Variants in CKB observed in about 807,000 individuals in gnomAD.
The protein encoded by CKB is creatine kinase B, also known as creatine kinase B-type.
CKB carries 15 observed loss-of-function variants against 36.9 expected under a neutral mutation model. The observed-to-expected ratio is 0.41, with a 90% CI of 0.27 to 0.63. The LOEUF is 0.63. Ranked by LOEUF, CKB falls within the 20% of genes least tolerant of loss-of-function variation. The pLI is 0.34. For missense variants in CKB, 413 were observed against 534.9 expected, an observed-to-expected ratio of 0.77 and a Z score of 2.25; for synonymous variants, 250 against 228.2, an observed-to-expected ratio of 1.10 and a Z score of -0.86.
rs372783149 is a variant in CKB at position 103,519,934 on chromosome 14, A to T, written c.1076T>A (p.Leu359Gln). Residue 359 changes from leucine (L) to glutamine (Q), a missense_variant, in exon 8 of 8, where the codon CTG (leucine) becomes CAG (glutamine). Around this residue, in one of 3 missense-constraint regions of CKB, gnomAD observed 314 missense variants for 409.4 expected, o/e 0.77. Transcript: ENST00000348956. The part of the protein sequence containing the change: ...LVQMVVDGVK[L>Q]LIEMEQRLEQ... Reference sequence around the variant, plus strand: ...CAGCCGCTGCTCCATCTCGATGAGCAGCTTCACTCCGTCCACCACCATCTG... The same window carrying T: ...CAGCCGCTGCTCCATCTCGATGAGCTGCTTCACTCCGTCCACCACCATCTG... 1 of 1,610,088 alleles carries T rather than the reference A, an allele frequency of 6.2e-7. No individual in the cohort carries two copies. Among genetic ancestry groups the T allele is most frequent in the South Asian group, 1.1e-5 (1 of 91,080 alleles).
chr14:103,521,671 G>C lies in CKB; in HGVS notation c.481+147C>G, dbSNP rs893568200. 1.5e-5 allele frequency: 16 copies of C among 1,060,112 alleles called. No individual in the cohort carries two copies. The East Asian group carries it at 5.0e-4, about 33-fold the overall frequency. 65.7% of individuals were successfully genotyped at this position (1,060,112 alleles called of 1,614,324 possible). On this transcript the variant is annotated intron_variant, in intron 4 of 7. Coordinates refer to ENST00000348956, the MANE Select transcript of CKB (RefSeq NM_001823.5). ...GCGCGGGGCTGGGCCTCCGTCCCTC[G>C]GTCCCTCCGGGAAACTGAACCCGGG...
Position 103,521,078 on chromosome 14 carries a change from C to T in CKB, c.653+185G>A, listed in dbSNP as rs565861001. On this transcript the variant is annotated intron_variant, in intron 5 of 7. Coordinates refer to ENST00000348956, the MANE Select transcript of CKB (RefSeq NM_001823.5). ...GGCCCAGTCCCTTAACGCACCTGCT[C>T]GGCCAAGGTCACCGGCGCAGGAGGA... 39 of 787,380 alleles carry T rather than the reference C, an allele frequency of 5.0e-5. No homozygotes were observed. In the South Asian group the frequency reaches 5.4e-4, roughly 11 times the overall value. The allele number at this position is 787,380 out of a possible 1,614,324, so 48.8% of individuals were successfully genotyped here. A position where few individuals can be genotyped will look rare whatever the true frequency, so the allele number is the denominator to read the frequency against.
At position 103,521,675 on chromosome 14, in the gene CKB, C is replaced by T. The variant is rs1174783650; in HGVS notation, c.481+143G>A. 3 of 1,083,976 alleles carry T rather than the reference C, an allele frequency of 2.8e-6. No homozygotes were observed. The East Asian group carries it at 1.0e-4, about 36-fold the overall frequency. The allele number at this position is 1,083,976 out of a possible 1,614,324, so 67.1% of individuals were successfully genotyped here. A position where few individuals can be genotyped will look rare whatever the true frequency, so the allele number is the denominator to read the frequency against. ...GGGGCTGGGCCTCCGTCCCTCGGTC[C>T]CTCCGGGAAACTGAACCCGGGCGCG... On this transcript the variant is annotated intron_variant, in intron 4 of 7. Transcript: ENST00000348956.
chr14:103,521,955 G>C lies in CKB; in HGVS notation c.349-5C>G, dbSNP rs778677107. Reference sequence around the variant, plus strand: ...GGGGTCCAGGTCGTCGCCGCCCTGGGAGGCGAGACGGGAGTGAGCGCCCGA... The same window carrying C: ...GGGGTCCAGGTCGTCGCCGCCCTGGCAGGCGAGACGGGAGTGAGCGCCCGA... On this transcript the variant is annotated splice_region_variant and splice_polypyrimidine_tract_variant and intron_variant, in intron 3 of 7. Transcript: ENST00000348956. The C allele has an allele frequency of 2.2e-5, 34 of 1,569,772 alleles. No individual in the cohort carries two copies. In the Admixed American group the frequency reaches 5.8e-4, roughly 27 times the overall value.
Position 103,522,231 on chromosome 14 carries a change from C to A in CKB, c.194-54G>T. ...GTGACGTCACTGCCGGGCCCGAGCG[C>A]GCTGCTGAGGACCCTGCGGCTGCGC... On this transcript the variant is annotated intron_variant, in intron 2 of 7. Transcript: ENST00000348956. This position sits in a 1 kb window ranked among gnomAD's most constrained non-coding sequence, Gnocchi z 6.7. The A allele has an allele frequency of 1.9e-6, 3 of 1,568,894 alleles. No homozygotes were observed. In the Admixed American group the frequency reaches 5.4e-5, roughly 28 times the overall value.
chr14:103,522,311 C>A lies in CKB; in HGVS notation c.183G>T (p.Val61=), dbSNP rs758564721. 6.2e-7 allele frequency: 1 copy of A among 1,606,674 alleles called. No homozygotes were observed. The highest frequency in any genetic ancestry group is 1.1e-5 in the South Asian group (1 of 90,878). ...CGAGGGGTCGCGTACCCGGGTTGTC[C>A]ACGCCTGTCTGGATGACGTCGTCCA... ...FTLDDVIQTG[V]DNPGHPYIMT... is the part of the protein sequence containing the mutation. The change falls in exon 2 of 8, where the codon GTG becomes GTT. Residue 61 remains valine (V), a synonymous_variant. Transcript: ENST00000348956. The surrounding 1 kb of genome is among the most constrained non-coding windows in gnomAD (Gnocchi z 6.7).
chr14:103,522,476 G>A lies in CKB; in HGVS notation c.18C>T (p.Ser6=). Residue 6 remains serine, a synonymous_variant, in exon 2 of 8, where the codon AGC becomes AGT. Transcript: ENST00000348956. The surrounding 1 kb of genome is among the most constrained non-coding windows in gnomAD (Gnocchi z 6.7). ...GGAAGCGCAGCTTCAGTGCGTTGTG[G>A]CTGTTGGAGAAGGGCATGGCGGCGG... is the stretch of plus-strand genomic sequence containing the variant. MPFSN[S]HNALKLRFPA... 6.2e-7 allele frequency: 1 copy of A among 1,606,028 alleles called. No individual in the cohort carries two copies. Among genetic ancestry groups the A allele is most frequent in the Non-Finnish European group, 8.5e-7 (1 of 1,177,708 alleles).
rs755129117 is a variant in CKB at position 103,520,267 on chromosome 14, G to A, written c.822C>T (p.Asn274=). 3.1e-6 allele frequency: 5 copies of A among 1,613,312 alleles called. No individual in the cohort carries two copies. The highest frequency in any genetic ancestry group is 1.1e-5 in the South Asian group (1 of 91,082). ...FKSKDYEFMW[N]PHLGYILTCP... Reference sequence around the variant, plus strand: ...AGGTGAGGATGTAGCCCAGGTGAGGGTTCCACATGAACTCATAGTCCTTAG... The same window carrying A: ...AGGTGAGGATGTAGCCCAGGTGAGGATTCCACATGAACTCATAGTCCTTAG... Residue 274 remains asparagine, a synonymous_variant, in exon 7 of 8, where the codon AAC becomes AAT. Coordinates refer to ENST00000348956, the MANE Select transcript of CKB (RefSeq NM_001823.5).
chr14:103,519,848 G>A lies in CKB; in HGVS notation c.*16C>T, dbSNP rs1300117498. On this transcript the variant is annotated 3_prime_UTR_variant, in exon 8 of 8. Transcript: ENST00000348956. Reference sequence around the variant, plus strand: ...GTTAGGAAGCAGCAGGGCTGGTGTCGGGTGTGGGCCGGGCTTCATTTCTGG... The same window carrying A: ...GTTAGGAAGCAGCAGGGCTGGTGTCAGGTGTGGGCCGGGCTTCATTTCTGG... 11 of 1,587,016 alleles carry A rather than the reference G, an allele frequency of 6.9e-6. No homozygotes were observed. Among genetic ancestry groups the A allele is most frequent in the Non-Finnish European group, 9.4e-6 (11 of 1,170,740 alleles).
Position 103,521,376 on chromosome 14 carries a change from C to G in CKB, c.540G>C (p.Thr180=), listed in dbSNP as rs1210167874. 6.2e-7 allele frequency: 1 copy of G among 1,609,328 alleles called. No individual in the cohort carries two copies. Among genetic ancestry groups the G allele is most frequent in the East Asian group, 2.2e-5 (1 of 44,798 alleles). Residue 180 remains threonine (T), a synonymous_variant, in exon 5 of 8, where the codon ACG becomes ACC. Transcript: ENST00000348956. The part of the protein sequence containing the change: ...AGRYYALKSM[T]EAEQQQLIDD... ...CGATGAGCTGCTGCTGCTCCGCCTC[C>G]GTCATGCTCTTGAGCGCGTAGTATC...
chr14:103,520,845 G>C (rs1354990329), intron 5 of CKB: 2 of 520,022 alleles, frequency 3.8e-6, no homozygotes, highest in Non-Finnish European at 6.8e-6. Flanking sequence ...AGCCCGACCC[G>C]CCCCCCACAG....
In CKB at chr14:103,521,370, C is replaced by T. The variant is rs1452726049; in HGVS notation, c.546G>A (p.Ala182=). 6.2e-7 allele frequency: 1 copy of T among 1,609,716 alleles called. No homozygotes were observed. Among genetic ancestry groups the T allele is most frequent in the African/African-American group, 1.3e-5 (1 of 74,902 alleles). The part of the protein sequence containing the change: ...RYYALKSMTE[A]EQQQLIDDHF... Reference sequence around the variant, plus strand: ...GGTCGTCGATGAGCTGCTGCTGCTCCGCCTCCGTCATGCTCTTGAGCGCGT... The same window carrying T: ...GGTCGTCGATGAGCTGCTGCTGCTCTGCCTCCGTCATGCTCTTGAGCGCGT... The change falls in exon 5 of 8, where the codon GCG becomes GCA. Residue 182 remains alanine (A), a synonymous_variant. Transcript: ENST00000348956.
rs529976279 is a variant in CKB at position 103,521,561 on chromosome 14, C to G, written c.482-127G>C. On this transcript the variant is annotated intron_variant, in intron 4 of 7. Transcript: ENST00000348956. ...GGCCCCACCCGCCCGGATCTGCGGG[C>G]GTCCAGTCCTCACGGCCCGGGCGAC... is the stretch of plus-strand genomic sequence containing the variant. The G allele has an allele frequency of 5.7e-4, 584 of 1,019,002 alleles. 1 individual carries two copies. The African/African-American group carries it at 9.1e-3, about 16-fold the overall frequency. 63.1% of individuals were successfully genotyped at this position (1,019,002 alleles called of 1,614,324 possible).
In CKB at chr14:103,519,880, A is replaced by G. The variant is rs1276355517; in HGVS notation, c.1130T>C (p.Met377Thr). The G allele has an allele frequency of 2.5e-6, 4 of 1,605,598 alleles. No homozygotes were observed. Among genetic ancestry groups the G allele is most frequent in the Non-Finnish European group, 2.5e-6 (3 of 1,179,750 alleles). Residue 377 changes from methionine to threonine, a missense_variant, in exon 8 of 8, where the codon ATG (methionine) becomes ACG (threonine). Physicochemically the swap from Met to Thr is moderately conservative, Grantham distance 81. This residue lies in a region of CKB where 314 missense variants were observed against 409.4 expected (regional missense o/e 0.77). Transcript: ENST00000348956. The stretch of plus-strand genomic sequence containing the variant: ...GGCCGGGCTTCATTTCTGGGCAGGC[A>G]TGAGGTCGTCGATGGCCTGGCCCTG... ...LEQGQAIDDL[M>T]PAQK
Position 103,521,888 on chromosome 14 carries a change from G to C in CKB, c.411C>G (p.Ile137Met). The change falls in exon 4 of 8, where the codon ATC becomes ATG. Residue 137 changes from isoleucine (I) to methionine (M), a missense_variant. This residue lies in a region of CKB where 314 missense variants were observed against 409.4 expected (regional missense o/e 0.77). Transcript: ENST00000348956. ...AGTGCGGGGGGAGGCAGAAGCCACGGATGCTGCGGCCCGTGCGCACCCGCG... is the reference window on the plus strand; with the variant it reads ...AGTGCGGGGGGAGGCAGAAGCCACGCATGCTGCGGCCCGTGCGCACCCGCG... Reference protein sequence around the residue: ...LSSRVRTGRSIRGFCLPPHCS... With the variant: ...LSSRVRTGRSMRGFCLPPHCS... 6.4e-7 allele frequency: 1 copy of C among 1,570,858 alleles called. No individual in the cohort carries two copies. Among genetic ancestry groups the C allele is most frequent in the Non-Finnish European group, 8.6e-7 (1 of 1,168,392 alleles).
rs757200972 is a variant in CKB at position 103,520,111 on chromosome 14, G to T, written c.967+11C>A. 1 of 1,603,240 alleles carries T rather than the reference G, an allele frequency of 6.2e-7. No homozygotes were observed. Among genetic ancestry groups the T allele is most frequent in the Admixed American group, 1.7e-5 (1 of 59,420 alleles). On this transcript the variant is annotated intron_variant, in intron 7 of 7. Coordinates refer to ENST00000348956, the MANE Select transcript of CKB (RefSeq NM_001823.5). Reference sequence around the variant, plus strand: ...AAGGCCACGGGAAGCCGCAGCACCTGCCCTGCTCACCTGTGCCTCGCTTCT... The same window carrying T: ...AAGGCCACGGGAAGCCGCAGCACCTTCCCTGCTCACCTGTGCCTCGCTTCT...
chr14:103,520,876 CT>C (rs1051382149), intron 5 of CKB: 2 of 513,996 alleles, frequency 3.9e-6, no homozygotes, highest in Non-Finnish European at 7.0e-6. Context: ...AGCCCTGCCC[CT>C]GGAGAAGCTT....
intron 5 of CKB, 43 bp downstream of exon 5, chr14:103,521,220 C>A (rs776553779): frequency 2.0e-6 from 3 of 1,537,914 alleles, no homozygotes; most frequent in African/African-American, 1.4e-5. Flanking sequence ...GCGGAGGTAG[C>A]GGGGAGGGAG....
chr14:103,521,970 T>G lies in CKB; in HGVS notation c.349-20A>C. The G allele has an allele frequency of 6.4e-7, 1 of 1,557,846 alleles. No individual in the cohort carries two copies. On this transcript the variant is annotated intron_variant, in intron 3 of 7. Transcript: ENST00000348956. ...GCCGCCCTGGGAGGCGAGACGGGAG[T>G]GAGCGCCCGAAGACCCCGGCCCCGC...
Sources: allele counts gnomAD v4.1 joint callset, GRCh38; gene constraint gnomAD v4.1.1; regional missense constraint gnomAD v4.1.1; non-coding constraint Gnocchi (gnomAD v3.1); transcripts MANE v1.5; gene names NCBI Gene and HGNC (gene_info 2026-07-23, HGNC 2026-07-21).